STPG2: variants seen among roughly 807,000 people sequenced by gnomAD.
The protein encoded by STPG2 is sperm-tail PG-rich repeat-containing protein 2.
A neutral mutation model predicts 54.2 loss-of-function variants in STPG2; 56 were observed. The ratio of observed to expected loss-of-function variants is 1.03; its 90% CI spans 0.83 to 1.29. The LOEUF (loss-of-function observed/expected upper bound fraction) is 1.29. Among genes scored for constraint, STPG2 ranks in the 50% most tolerant of loss-of-function variants. The pLI is 0.00. For missense variants in STPG2, 596 were observed against 544.9 expected (o/e 1.09, Z -0.93); for synonymous variants, 200 against 181.8 (o/e 1.10, Z -0.81).
chr4:97,900,035 T>TCTAA (rs767034514), intron 8 of STPG2, among the ~76,000 whole-genome samples: 77 of 152,002 alleles, frequency 5.1e-4, no homozygotes, highest in Admixed American at 1.1e-3. Flanking sequence ...CTGACAAAGG[T>TCTAA]CTAATATCCA....
At chr4:97,647,754 G>T (rs1721951476) in intron 10 of STPG2, among the ~76,000 whole-genome samples, 1 of 152,138 alleles carries the variant, frequency 6.6e-6, no homozygotes, top group South Asian at 2.1e-4. Flanking sequence ...AGCACTGTCT[G>T]TAGGAATACC....
At chr4:97,700,035 T>C (rs550393158) in intron 10 of STPG2, among the ~76,000 whole-genome samples, 1 of 152,302 alleles carries the variant, frequency 6.6e-6, no homozygotes, top group East Asian at 1.9e-4. Context: ...TGATGACCCA[T>C]AGTCAAACGT....
intron 9 of STPG2, among the ~76,000 whole-genome samples, chr4:97,726,053 C>T (rs922281895): frequency 6.6e-6 from 1 of 151,710 alleles, no homozygotes; most frequent in African/African-American, 2.4e-5. Flanking sequence ...GTCCTGCCAC[C>T]ACCTCTATAA....
intron 6 of STPG2, among the ~76,000 whole-genome samples, chr4:97,975,710 C>T (rs1437929044): frequency 1.3e-5 from 2 of 152,094 alleles, no homozygotes; most frequent in African/African-American, 2.4e-5. Context: ...ATTAGTCCTG[C>T]CACTAAATAG....
intron 9 of STPG2, among the ~76,000 whole-genome samples, chr4:97,730,655 C>A (rs1224536026): frequency 6.6e-6 from 1 of 152,132 alleles, no homozygotes; most frequent in African/African-American, 2.4e-5. Context: ...TCAGAAATGC[C>A]AATGAGTCAT....
chr4:97,449,871 T>G (rs1053028153), intron 4 of STPG2, among the ~76,000 whole-genome samples: 2 of 152,210 alleles, frequency 1.3e-5, no homozygotes, highest in Non-Finnish European at 2.9e-5. Flanking sequence ...TCCTATTGTT[T>G]TGATTTTGCA....
At chr4:97,908,207 C>G (rs974926060) in intron 8 of STPG2, among the ~76,000 whole-genome samples, 21 of 152,200 alleles carry the variant, frequency 1.4e-4, no homozygotes, top group African/African-American at 5.1e-4. Context: ...GGGCAAAGGA[C>G]ATGAACACAC....
At chr4:97,800,296 T>C (rs1000671180) in intron 9 of STPG2, among the ~76,000 whole-genome samples, 1 of 152,234 alleles carries the variant, frequency 6.6e-6, no homozygotes, top group Non-Finnish European at 1.5e-5. Context: ...CTCTGTTTTT[T>C]TCCCCAGCTT....
chr4:98,104,493 T>C (rs1739133161), intron 5 of STPG2, among the ~76,000 whole-genome samples: 1 of 152,184 alleles, frequency 6.6e-6, no homozygotes, highest in African/African-American at 2.4e-5. Context: ...AGTTTTAAGA[T>C]ACTGTGATAG....
chr4:97,574,045 TG>T (rs1732662219), intron 10 of STPG2, among the ~76,000 whole-genome samples: 2 of 152,144 alleles, frequency 1.3e-5, no homozygotes, highest in Non-Finnish European at 2.9e-5. Flanking sequence ...AATCTTCATT[TG>T]CCATGAAGGT....
chr4:97,660,311 C>A (rs1240170546), intron 10 of STPG2, among the ~76,000 whole-genome samples: 1 of 152,146 alleles, frequency 6.6e-6, no homozygotes, highest in Non-Finnish European at 1.5e-5. Flanking sequence ...GTAGATGAAT[C>A]TTTATATTAT....
intron 10 of STPG2, among the ~76,000 whole-genome samples, chr4:97,608,800 A>T (rs143612847): frequency 1.2e-3 from 190 of 152,206 alleles, no homozygotes; most frequent in Middle Eastern, 0.01. Flanking sequence ...TTATCTAGGC[A>T]TTCCTGCAGA....
chr4:97,720,739 G>A (rs1407296920), intron 9 of STPG2, among the ~76,000 whole-genome samples: 1 of 151,820 alleles, frequency 6.6e-6, no homozygotes. Context: ...ACACATTTAA[G>A]GAAAGCACAA....
intron 4 of STPG2, among the ~76,000 whole-genome samples, chr4:97,522,750 C>T (rs2148847993): frequency 1.3e-5 from 2 of 152,054 alleles, no homozygotes; most frequent in Non-Finnish European, 2.9e-5. Flanking sequence ...GTTTCAATTA[C>T]ACTGGCAAAT....
intron 8 of STPG2, among the ~76,000 whole-genome samples, chr4:97,939,790 G>T (rs1206790895): frequency 1.3e-5 from 2 of 152,136 alleles, no homozygotes; most frequent in African/African-American, 2.4e-5. Flanking sequence ...GGGACATTTA[G>T]TCCATTTACA....
chr4:98,008,487 T>C (rs550712612), intron 5 of STPG2, among the ~76,000 whole-genome samples: 2 of 150,972 alleles, frequency 1.3e-5, no homozygotes, highest in South Asian at 4.2e-4. Context: ...CTCACCATCA[T>C]AAAAACAAAC....
At chr4:97,923,293 T>C (rs28463863) in intron 8 of STPG2, among the ~76,000 whole-genome samples, 54,042 of 140,448 alleles carry the variant, frequency 0.38, 9,060 homozygotes, top group Middle Eastern at 0.47. Context: ...GCGCAGCGCT[T>C]CCCCTCCCAC....
At chr4:97,873,127 A>G (rs1410641025) in intron 8 of STPG2, among the ~76,000 whole-genome samples, 1 of 151,256 alleles carries the variant, frequency 6.6e-6, no homozygotes, top group Non-Finnish European at 1.5e-5. Flanking sequence ...ACCCACACAT[A>G]CAACCAAATT....
At chr4:98,139,302 C>G (rs1371157954) in intron 1 of STPG2, among the ~76,000 whole-genome samples, 6 of 152,108 alleles carry the variant, frequency 3.9e-5, no homozygotes, top group Admixed American at 1.3e-4. Context: ...CTGGCCTGGC[C>G]AAGCAGGCTA....
Sources: gnomAD v4.1 joint callset for allele counts (sites outside exome capture counted in the v4.1 genomes callset) on GRCh38, gnomAD v4.1.1 for gene constraint, MANE v1.5 for transcripts, NCBI Gene and HGNC (gene_info 2026-07-23, HGNC 2026-07-21) for gene names.